The following SHISA6 variants were observed in gnomAD, a reference collection of about 807,000 sequenced individuals.
SHISA6 encodes shisa family member 6.
A neutral mutation model predicts 47.9 loss-of-function variants in SHISA6; 22 were observed. The observed-to-expected ratio is 0.46, with a 90% CI of 0.33 to 0.66. The LOEUF (loss-of-function observed/expected upper bound fraction) is 0.66. Among genes scored for constraint, SHISA6 ranks in the 30% least tolerant of loss-of-function variants. SHISA6 has a pLI of 0.02. For synonymous variants in SHISA6, 388 were observed against 337.8 expected (o/e 1.15, Z -1.63); for missense variants, 680 against 764.6 (o/e 0.89, Z 1.30).
At chr17:11,477,017 T>C (rs111963588) in intron 3 of SHISA6, among the ~76,000 whole-genome samples, 7,959 of 152,304 alleles carry the variant, frequency 0.052, 250 homozygotes, top group Non-Finnish European at 0.077. Context: ...GTAATACCTG[T>C]TCTTTATTCC....
At chr17:11,268,846 C>T (rs989472689) in intron 2 of SHISA6, among the ~76,000 whole-genome samples, 9 of 152,212 alleles carry the variant, frequency 5.9e-5, no homozygotes, top group East Asian at 5.8e-4. Context: ...CTTGGATGGG[C>T]GTAGGATCCA....
At chr17:11,309,289 CAGA>C (rs1327110852) in intron 2 of SHISA6, among the ~76,000 whole-genome samples, 1 of 152,202 alleles carries the variant, frequency 6.6e-6, no homozygotes, top group Non-Finnish European at 1.5e-5. Flanking sequence ...TGTTTGCTGG[CAGA>C]AGTTATACAG....
At chr17:11,263,558 C>G (rs1908320026) in intron 2 of SHISA6, 32 bp downstream of exon 2, 1 of 1,550,394 alleles carries the variant, frequency 6.4e-7, no homozygotes, top group Admixed American at 2.0e-5. Context: ...TGATTCTTTG[C>G]TGAGGCTGGT....
intron 3 of SHISA6, among the ~76,000 whole-genome samples, chr17:11,401,561 G>T (rs58844488): frequency 0.047 from 7,082 of 152,248 alleles, 502 homozygotes; most frequent in African/African-American, 0.15. Context: ...GAGTTCGGAA[G>T]AAGTCATCTT....
In SHISA6 at chr17:11,479,187, G is replaced by A. The variant is rs368302204; in HGVS notation, c.896-72709G>A. Among the ~76,000 whole-genome samples, 5 of 151,832 alleles carry A rather than the reference G, an allele frequency of 3.3e-5. No homozygotes were observed. The South Asian group carries it at 6.2e-4, about 19-fold the overall frequency. ...CAAAAATAGTTTGATGCAGTGAGCCGAAATAGCGCCATTGCACTCCAGCCT... is the reference window on the plus strand; with the variant it reads ...CAAAAATAGTTTGATGCAGTGAGCCAAAATAGCGCCATTGCACTCCAGCCT... On this transcript the variant is annotated intron_variant, in intron 3 of 5. Transcript: ENST00000441885.
chr17:11,496,377 G>T (rs755276027), intron 3 of SHISA6, among the ~76,000 whole-genome samples: 3 of 152,178 alleles, frequency 2.0e-5, no homozygotes, highest in Non-Finnish European at 4.4e-5. Context: ...AACACGGTGG[G>T]CTGAAAGAGA....
At chr17:11,469,385 C>T (rs1915885962) in intron 3 of SHISA6, among the ~76,000 whole-genome samples, 1 of 152,110 alleles carries the variant, frequency 6.6e-6, no homozygotes, top group Non-Finnish European at 1.5e-5. Context: ...ATAGTCTCCC[C>T]TAGAGCCTCC....
intron 3 of SHISA6, among the ~76,000 whole-genome samples, chr17:11,533,429 C>A (rs1295188062): frequency 6.6e-6 from 1 of 151,998 alleles, no homozygotes; most frequent in Non-Finnish European, 1.5e-5. Context: ...TCCTACCAAC[C>A]CTCTATGACT....
At chr17:11,528,626 G>A (rs2071706398) in intron 3 of SHISA6, among the ~76,000 whole-genome samples, 1 of 152,062 alleles carries the variant, frequency 6.6e-6, no homozygotes, top group Non-Finnish European at 1.5e-5. Flanking sequence ...GACACTGGGT[G>A]GAAATATTCA....
At chr17:11,543,582 A>T (rs1044031174) in intron 3 of SHISA6, among the ~76,000 whole-genome samples, 3 of 152,088 alleles carry the variant, frequency 2.0e-5, no homozygotes, top group Non-Finnish European at 4.4e-5. Context: ...TCCCTGCAAA[A>T]TTTTTTTCTG....
chr17:11,374,984 C>T (rs1912749405), intron 2 of SHISA6, among the ~76,000 whole-genome samples: 3 of 152,062 alleles, frequency 2.0e-5, no homozygotes, highest in Admixed American at 2.0e-4. Flanking sequence ...AGTATACTGT[C>T]CCACCTCTAC....
intron 3 of SHISA6, among the ~76,000 whole-genome samples, chr17:11,496,748 GA>G (rs111418769): frequency 0.13 from 16,797 of 127,760 alleles, 1,005 homozygotes; most frequent in Non-Finnish European, 0.15. Context: ...CAAAAAAAAA[GA>G]AAAAAAAAAA....
intron 3 of SHISA6, among the ~76,000 whole-genome samples, chr17:11,498,587 C>T (rs1376241365): frequency 6.6e-6 from 1 of 152,188 alleles, no homozygotes; most frequent in Non-Finnish European, 1.5e-5. Context: ...CTGGTTTGAT[C>T]ATTACACATT....
chr17:11,297,970 T>C (rs1396988944), intron 2 of SHISA6, among the ~76,000 whole-genome samples: 4 of 152,226 alleles, frequency 2.6e-5, no homozygotes, highest in African/African-American at 4.8e-5. Context: ...TGAATGATAC[T>C]TGAGGTGAGG....
chr17:11,293,097 T>C (rs1445744679), intron 2 of SHISA6, among the ~76,000 whole-genome samples: 1 of 152,148 alleles, frequency 6.6e-6, no homozygotes, highest in Non-Finnish European at 1.5e-5. Flanking sequence ...AGTGCCAAGA[T>C]TACAGGTGTG....
chr17:11,520,709 A>G (rs2071622674), intron 3 of SHISA6, among the ~76,000 whole-genome samples: 1 of 152,064 alleles, frequency 6.6e-6, no homozygotes, highest in African/African-American at 2.4e-5. Context: ...CTCTAACCCA[A>G]TGTCCATTTG....
chr17:11,407,964 T>G (rs1914011948), intron 3 of SHISA6, among the ~76,000 whole-genome samples: 1 of 152,180 alleles, frequency 6.6e-6, no homozygotes, highest in Non-Finnish European at 1.5e-5. Flanking sequence ...AACCAAGAGT[T>G]AGAATCAATA....
At chr17:11,501,791 G>A (rs968751126) in intron 3 of SHISA6, among the ~76,000 whole-genome samples, 1 of 152,072 alleles carries the variant, frequency 6.6e-6, no homozygotes, top group Non-Finnish European at 1.5e-5. Flanking sequence ...ACACTCCCCA[G>A]GGTGCCAGTG....
chr17:11,306,220 C>G (rs73295437), intron 2 of SHISA6, among the ~76,000 whole-genome samples: 1 of 152,166 alleles, frequency 6.6e-6, no homozygotes, highest in East Asian at 1.9e-4. Flanking sequence ...CTCATGAGGT[C>G]TGGATTCCCG....
Sources: allele counts gnomAD v4.1 joint callset (sites outside exome capture counted in the v4.1 genomes callset), GRCh38; gene constraint gnomAD v4.1.1; transcripts MANE v1.5; gene names NCBI Gene and HGNC (gene_info 2026-07-23, HGNC 2026-07-21).